The following ENO4 variants were observed in gnomAD, a reference collection of about 807,000 sequenced individuals.
ENO4 encodes the protein enolase 4, also known as 2-phospho-D-glycerate hydro-lyase.
In ENO4, 53 loss-of-function variants were observed where a neutral mutation model predicts 63.2. The ratio of observed to expected loss-of-function variants is 0.84; its 90% CI spans 0.67 to 1.05. ENO4 has a LOEUF of 1.05. ENO4 is among the 50% of genes least tolerant of loss of function. The pLI is 0.00. For synonymous variants in ENO4, 266 were observed against 283.8 expected (o/e 0.94, Z 0.63); for missense variants, 719 against 772.0 (o/e 0.93, Z 0.81).
At chr10:116,862,051 G>C (rs780393656) in intron 6 of ENO4, among the ~76,000 whole-genome samples, 1 of 152,112 alleles carries the variant, frequency 6.6e-6, no homozygotes, top group Non-Finnish European at 1.5e-5. Flanking sequence ...TCAGGTCTTT[G>C]TATGTAGATC....
intron 1 of ENO4, among the ~76,000 whole-genome samples, chr10:116,854,584 C>G (rs1846198586): frequency 6.7e-6 from 1 of 150,156 alleles, no homozygotes; most frequent in South Asian, 2.1e-4. Context: ...AAAAATTCAG[C>G]CCATGTCAGG....
intron 4 of ENO4, among the ~76,000 whole-genome samples, chr10:116,859,871 G>T (rs1283246175): frequency 6.6e-6 from 1 of 152,050 alleles, no homozygotes; most frequent in African/African-American, 2.4e-5. Context: ...AGGGAGGCAG[G>T]GTACCTTATT....
chr10:116,879,829 T>C, intron 12 of ENO4, 40 bp from the exon 13 acceptor site: 7 of 1,432,230 alleles, frequency 4.9e-6, no homozygotes, highest in Non-Finnish European at 6.7e-6. Flanking sequence ...TAGCAAGACA[T>C]GGCTCCTCCG....
At chr10:116,897,749 T>C (rs1017039805) in intron 10 of ENO4, among the ~76,000 whole-genome samples, 5 of 152,054 alleles carry the variant, frequency 3.3e-5, no homozygotes, top group African/African-American at 1.2e-4. Context: ...TTTCCCAGGG[T>C]CACAAATATC....
intron 9 of ENO4, chr10:116,873,864 G>A (rs1846762746): frequency 1.0e-6 from 1 of 984,896 alleles, no homozygotes; most frequent in Non-Finnish European, 1.2e-6. Flanking sequence ...GAACCCTAGA[G>A]GGCATCAAAA....
At chr10:116,890,492 T>C (rs1478988778) in intron 10 of ENO4, among the ~76,000 whole-genome samples, 3 of 152,202 alleles carry the variant, frequency 2.0e-5, no homozygotes, top group Non-Finnish European at 4.4e-5. Flanking sequence ...CCAATAATTT[T>C]TTCTTACCAC....
In ENO4 at chr10:116,856,472, C is replaced by T; in HGVS notation, c.295-20C>T. ...TGGGAGAGGTAGGGAAAGTGTTGAA[C>T]ACATTTATATGATTTTCAGAACGTA... On this transcript the variant is annotated intron_variant, in intron 2 of 13. Coordinates refer to ENST00000341276, the MANE Select transcript of ENO4 (RefSeq NM_001242699.2). 1.3e-6 allele frequency: 2 copies of T among 1,530,792 alleles called. No individual in the cohort carries two copies. The highest frequency in any genetic ancestry group is 1.2e-5 in the South Asian group (1 of 83,494). The allele number at this position is 1,530,792 out of a possible 1,614,324, so 94.8% of individuals were successfully genotyped here.
At chr10:116,909,510 A>G (rs1401314151) in intron 10 of ENO4, among the ~76,000 whole-genome samples, 1 of 152,130 alleles carries the variant, frequency 6.6e-6, no homozygotes, top group Non-Finnish European at 1.5e-5. Flanking sequence ...TTTCTAAGTG[A>G]CTGAGGTGAC....
intron 10 of ENO4, among the ~76,000 whole-genome samples, chr10:116,909,947 C>T (rs1848124623): frequency 6.6e-6 from 1 of 152,074 alleles, no homozygotes; most frequent in African/African-American, 2.4e-5. Flanking sequence ...TTTTCGTGTT[C>T]CATCTTAATT....
At chr10:116,868,099 A>C (rs1056631947) in intron 7 of ENO4, among the ~76,000 whole-genome samples, 1 of 152,246 alleles carries the variant, frequency 6.6e-6, no homozygotes, top group Non-Finnish European at 1.5e-5. Flanking sequence ...CTTTGCTTTT[A>C]ACCTCATGAC....
At chr10:116,900,552 G>T in intron 10 of ENO4, 1 of 1,534,348 alleles carries the variant, frequency 6.5e-7, no homozygotes, top group South Asian at 1.2e-5. Flanking sequence ...TGTGTAAAAT[G>T]GTAAAGGAGA....
At chr10:116,854,940 C>CAAAAAAAAAAAAA (rs71013620) in intron 1 of ENO4, among the ~76,000 whole-genome samples, 54 of 41,514 alleles carry the variant, frequency 1.3e-3, no homozygotes, top group East Asian at 2.8e-3. Flanking sequence ...GACCCTGTCT[C>CAAAAAAAAAAAAA]AAAAAAAAAA....
chr10:116,903,897 T>C (rs536362831), intron 10 of ENO4, among the ~76,000 whole-genome samples: 1 of 152,366 alleles, frequency 6.6e-6, no homozygotes, highest in South Asian at 2.1e-4. Flanking sequence ...TATTGCATCC[T>C]GTTTAAGCCA....
At chr10:116,875,358 CTTT>C (rs1306163989) in intron 10 of ENO4, among the ~76,000 whole-genome samples, 1 of 151,600 alleles carries the variant, frequency 6.6e-6, no homozygotes, top group Non-Finnish European at 1.5e-5. Flanking sequence ...TCTGGTCATA[CTTT>C]TTAAGACAGG....
chr10:116,906,002 C>T (rs1212468863), intron 10 of ENO4, among the ~76,000 whole-genome samples: 1 of 152,178 alleles, frequency 6.6e-6, no homozygotes, highest in African/African-American at 2.4e-5. Context: ...TGGAATTTCC[C>T]AGTCACTCAG....
Position 116,879,978 on chromosome 10 carries a change from G to A in ENO4, c.1715G>A (p.Gly572Glu). 1 of 1,546,766 alleles carries A rather than the reference G, an allele frequency of 6.5e-7. No homozygotes were observed. Among genetic ancestry groups the A allele is most frequent in the Non-Finnish European group, 8.7e-7 (1 of 1,143,580 alleles). ...LTIEEELVQN[G>E]TLGFKEEHTF... ...ATAGAGGAAGAACTTGTCCAGAATG[G>A]AACACTGGGTATGCGCTGCTTTCTT... The change falls in exon 13 of 14, where the codon GGA becomes GAA. Residue 572 changes from glycine (G) to glutamate (E), a missense_variant. Around this residue, in one of 3 missense-constraint regions of ENO4, gnomAD observed 168 missense variants for 163.3 expected, o/e 1.03. Transcript: ENST00000341276.
intron 1 of ENO4, among the ~76,000 whole-genome samples, chr10:116,853,454 G>A (rs1846151645): frequency 6.6e-6 from 1 of 152,148 alleles, no homozygotes; most frequent in Non-Finnish European, 1.5e-5. Context: ...TATATACAGT[G>A]CCCAGGGATG....
intron 10 of ENO4, chr10:116,900,976 A>G: frequency 2.0e-6 from 2 of 985,456 alleles, no homozygotes; most frequent in Non-Finnish European, 2.4e-6. Flanking sequence ...TTTTAAGCTA[A>G]GACAGCTAGA....
chr10:116,867,933 G>A (rs550717147), intron 7 of ENO4, among the ~76,000 whole-genome samples: 6 of 152,156 alleles, frequency 3.9e-5, no homozygotes, highest in Non-Finnish European at 8.8e-5. Context: ...CAGGGTCACT[G>A]TATGTGCATA....
Sources: allele counts gnomAD v4.1 joint callset (sites outside exome capture counted in the v4.1 genomes callset), GRCh38; gene constraint gnomAD v4.1.1; regional missense constraint gnomAD v4.1.1; transcripts MANE v1.5; gene names NCBI Gene and HGNC (gene_info 2026-07-23, HGNC 2026-07-21).